IQGAP2: variants seen among roughly 807,000 people sequenced by gnomAD.
IQGAP2 encodes IQ motif containing GTPase activating protein 2.
Under a neutral mutation model 201.3 loss-of-function variants are expected in IQGAP2, and 173 were observed. That is an observed-to-expected ratio of 0.86 (90% CI 0.76 to 0.98). The LOEUF is 0.98. Among genes scored for constraint, IQGAP2 ranks in the 50% least tolerant of loss-of-function variants. The pLI is 0.00. For synonymous variants in IQGAP2, 675 were observed against 673.9 expected (o/e 1.00, Z -0.03); for missense variants, 1,687 against 1,864.8 (o/e 0.90, Z 1.76).
chr5:76,707,253 G>C lies in IQGAP2; in HGVS notation c.4668G>C (p.Lys1556Asn). ...TAGCTGTAATGAAAATGTTTGATAAGGTTAAAGTGAATGTAAACCTTCTCA... is the reference window on the plus strand; with the variant it reads ...TAGCTGTAATGAAAATGTTTGATAACGTTAAAGTGAATGTAAACCTTCTCA... ...EGVAVMKMFD[K>N]VKVNVNLLIY... The change falls in exon 36 of 36, where the codon AAG (lysine) becomes AAC (asparagine). Residue 1556 changes from lysine (K) to asparagine (N), a missense_variant. Transcript: ENST00000274364. 2.5e-6 allele frequency: 4 copies of C among 1,586,066 alleles called. No homozygotes were observed. Among genetic ancestry groups the C allele is most frequent in the Non-Finnish European group, 3.5e-6 (4 of 1,154,680 alleles).
intron 2 of IQGAP2, among the ~76,000 whole-genome samples, chr5:76,523,639 T>G (rs1758813178): frequency 6.6e-6 from 1 of 152,196 alleles, no homozygotes; most frequent in African/African-American, 2.4e-5. Context: ...CAGTAAGAGC[T>G]CAGTTTTCAT....
chr5:76,537,109 A>G (rs1241895757), intron 2 of IQGAP2, among the ~76,000 whole-genome samples: 1 of 152,366 alleles, frequency 6.6e-6, no homozygotes, highest in African/African-American at 2.4e-5. Flanking sequence ...TTACGTTTCT[A>G]GAAAAAAGAT....
intron 13 of IQGAP2, among the ~76,000 whole-genome samples, chr5:76,622,013 AC>A (rs1307768809): frequency 6.6e-6 from 1 of 152,154 alleles, no homozygotes; most frequent in Admixed American, 6.5e-5. Flanking sequence ...AGAGACAGAA[AC>A]TAAAAACCAT....
chr5:76,498,022 C>A (rs115157756), intron 2 of IQGAP2, among the ~76,000 whole-genome samples: 3,418 of 152,236 alleles, frequency 0.022, 133 homozygotes, highest in African/African-American at 0.078. Flanking sequence ...AAAAACTTAG[C>A]AAGGCATTGT....
chr5:76,643,723 G>A (rs946580405), intron 17 of IQGAP2, among the ~76,000 whole-genome samples: 1 of 152,122 alleles, frequency 6.6e-6, no homozygotes, highest in Admixed American at 6.6e-5. Context: ...CCAAAACTTA[G>A]CCCTGAGAAT....
intron 2 of IQGAP2, among the ~76,000 whole-genome samples, chr5:76,550,487 A>T (rs1416689882): frequency 6.6e-6 from 1 of 152,050 alleles, no homozygotes; most frequent in African/African-American, 2.4e-5. Flanking sequence ...TTTCCTAGGC[A>T]GAGGACCCTG....
chr5:76,478,485 T>G (rs925960994), intron 2 of IQGAP2, among the ~76,000 whole-genome samples: 1 of 152,122 alleles, frequency 6.6e-6, no homozygotes, highest in Admixed American at 6.5e-5. Context: ...GGCTTCACAT[T>G]CACTATCCTA....
intron 2 of IQGAP2, among the ~76,000 whole-genome samples, chr5:76,480,599 A>G (rs578225244): frequency 6.6e-6 from 1 of 152,298 alleles, no homozygotes; most frequent in African/African-American, 2.4e-5. Flanking sequence ...TGTGTCTCAT[A>G]TACATAGGCA....
chr5:76,611,210 T>TA, intron 13 of IQGAP2, 27 bp downstream of exon 13: 1 of 1,568,346 alleles, frequency 6.4e-7, no homozygotes, highest in East Asian at 2.3e-5. Context: ...CTGTTTCTTT[T>TA]AAATTTTACA....
chr5:76,595,243 C>CT lies in IQGAP2; in HGVS notation c.908-2168dup, dbSNP rs1180358517. Among the ~76,000 whole-genome samples, 108 of 35,308 alleles carry CT rather than the reference C, an allele frequency of 3.1e-3. 9 individuals are homozygous for CT. The highest frequency in any genetic ancestry group is 4.9e-3 in the East Asian group (4 of 824). 23.2% of individuals were successfully genotyped at this position (35,308 alleles called of 152,430 possible). On this transcript the variant is annotated intron_variant, in intron 9 of 35. Transcript: ENST00000274364. ...GAGCTGGACATTTTGCATTTCTTTG[C>CT]TTTTTTTTTTTTTTTTTTTTTTTTT...
At chr5:76,623,346 A>C in intron 13 of IQGAP2, 1 of 1,284,282 alleles carries the variant, frequency 7.8e-7, no homozygotes, top group Middle Eastern at 2.1e-4. Context: ...TGTCTGTAGA[A>C]GTTTGCTCTC....
At chr5:76,429,860 GACACACACACACACACACACACAC>G in intron 1 of IQGAP2, among the ~76,000 whole-genome samples, 1 of 144,632 alleles carries the variant, frequency 6.9e-6, no homozygotes, top group Middle Eastern at 3.5e-3. Context: ...AGGAGACACA[GACACACACACACACACACACACAC>G]ACACACACAC....
At chr5:76,681,755 C>A (rs111422994) in intron 28 of IQGAP2, among the ~76,000 whole-genome samples, 173 of 152,050 alleles carry the variant, frequency 1.1e-3, no homozygotes, top group African/African-American at 3.8e-3. Flanking sequence ...GGAAGTATAC[C>A]CATAAAAAAT....
intron 31 of IQGAP2, chr5:76,693,883 C>G (rs1306618596): frequency 6.5e-6 from 1 of 154,344 alleles, no homozygotes; most frequent in East Asian, 1.9e-4. Flanking sequence ...TCCACTGAGT[C>G]AAAGCATCAT....
chr5:76,584,600 A>G (rs939919954), intron 5 of IQGAP2, among the ~76,000 whole-genome samples: 7 of 152,132 alleles, frequency 4.6e-5, no homozygotes, highest in African/African-American at 1.7e-4. Flanking sequence ...TAAAGCAGCA[A>G]GTGTAGATGC....
chr5:76,409,348 G>A (rs865846254), intron 1 of IQGAP2, among the ~76,000 whole-genome samples: 3 of 142,790 alleles, frequency 2.1e-5, no homozygotes, highest in South Asian at 2.3e-4. Flanking sequence ...CCGGGTTCAA[G>A]CAATTCTCAT....
chr5:76,581,377 A>G (rs1346762793), intron 5 of IQGAP2, among the ~76,000 whole-genome samples: 2 of 152,216 alleles, frequency 1.3e-5, no homozygotes, highest in African/African-American at 4.8e-5. Context: ...TCTTAGCTCA[A>G]AGGACAGGCT....
At chr5:76,665,309 C>A in intron 22 of IQGAP2, 134 bp downstream of exon 22, 1 of 738,298 alleles carries the variant, frequency 1.4e-6, no homozygotes, top group Non-Finnish European at 2.3e-6. Context: ...GTACCAAGTG[C>A]TGTTGTTGGT....
At chr5:76,561,221 G>A (rs1478969476) in intron 2 of IQGAP2, among the ~76,000 whole-genome samples, 1 of 152,178 alleles carries the variant, frequency 6.6e-6, no homozygotes, top group Admixed American at 6.5e-5. Flanking sequence ...ACTGCAGAAA[G>A]TGAAACCTTG....
Sources: allele counts gnomAD v4.1 joint callset (sites outside exome capture counted in the v4.1 genomes callset), GRCh38; gene constraint gnomAD v4.1.1; transcripts MANE v1.5; gene names NCBI Gene and HGNC (gene_info 2026-07-23, HGNC 2026-07-21).